SLC8A1: variants seen among roughly 807,000 people sequenced by gnomAD.
The protein encoded by SLC8A1 is solute carrier family 8 member A1.
In SLC8A1, 18 loss-of-function variants were observed where a neutral mutation model predicts 68.3. The observed-to-expected ratio is 0.26, with a 90% CI of 0.18 to 0.39. The LOEUF (loss-of-function observed/expected upper bound fraction) is 0.39, where lower values mean the gene tolerates loss of function less well. SLC8A1 is among the 10% of genes least tolerant of loss of function. The probability of loss-of-function intolerance (pLI) is 1.00; values close to 1 mark genes in which losing one functional copy is unlikely to be tolerated. For missense variants in SLC8A1, 985 were observed against 1,156.7 expected, an observed-to-expected ratio of 0.85 and a Z score of 2.15; for synonymous variants, 475 against 415.5, an observed-to-expected ratio of 1.14 and a Z score of -1.74.
chr2:40,278,539 G>A (rs756106722), intron 2 of SLC8A1, among the ~76,000 whole-genome samples: 3 of 152,092 alleles, frequency 2.0e-5, no homozygotes, highest in Non-Finnish European at 2.9e-5. Context: ...GATAAGGGGA[G>A]AGTAGAGTAA....
At chr2:40,308,804 G>A (rs988845574) in intron 2 of SLC8A1, among the ~76,000 whole-genome samples, 4 of 152,130 alleles carry the variant, frequency 2.6e-5, no homozygotes, top group East Asian at 1.9e-4. Context: ...GCTGCAAAGG[G>A]CAAAACTTTG....
At chr2:40,424,300 C>G (rs1166752397) in intron 2 of SLC8A1, among the ~76,000 whole-genome samples, 1 of 151,442 alleles carries the variant, frequency 6.6e-6, no homozygotes, top group East Asian at 1.9e-4. Context: ...GTATTTTGTT[C>G]TACTCTCAGA....
chr2:40,439,336 A>C (rs1700058351), intron 1 of SLC8A1, among the ~76,000 whole-genome samples: 1 of 152,170 alleles, frequency 6.6e-6, no homozygotes, highest in East Asian at 1.9e-4. Flanking sequence ...CCAAACCCTA[A>C]GTAGAGGTAG....
intron 2 of SLC8A1, among the ~76,000 whole-genome samples, chr2:40,230,614 T>A (rs553175808): frequency 6.6e-6 from 1 of 152,316 alleles, no homozygotes; most frequent in East Asian, 1.9e-4. Flanking sequence ...AATGCTACTA[T>A]GTGATCAGTT....
Position 40,185,291 on chromosome 2 carries a change from G to A in SLC8A1, c.1809-7436C>T, listed in dbSNP as rs537779646. On this transcript the variant is annotated intron_variant, in intron 2 of 7. Coordinates refer to ENST00000406785, the Ensembl canonical transcript of SLC8A1. ...TGTATTCACACAAAAACTTGTGCAT[G>A]AATTTTCATCGCAGCATTATTCATA... is the stretch of plus-strand genomic sequence containing the variant. Among the ~76,000 whole-genome samples, 11 of 152,312 alleles carry A rather than the reference G, an allele frequency of 7.2e-5. 1 individual carries two copies. In the South Asian group the frequency reaches 2.3e-3, roughly 32 times the overall value.
intron 2 of SLC8A1, among the ~76,000 whole-genome samples, chr2:40,223,067 A>T (rs981847298): frequency 2.0e-5 from 3 of 152,218 alleles, no homozygotes; most frequent in African/African-American, 7.2e-5. Context: ...ACACATGTAC[A>T]TGTATGTTTA....
chr2:40,429,221 G>T, exon 2 of SLC8A1: 4 of 1,613,864 alleles, frequency 2.5e-6, no homozygotes, highest in Non-Finnish European at 3.4e-6. Flanking sequence ...TGCTGACTTA[G>T]GACTTGGTAG....
chr2:40,348,617 TTGGC>T (rs1421948316), intron 2 of SLC8A1, among the ~76,000 whole-genome samples: 1 of 152,102 alleles, frequency 6.6e-6, no homozygotes, highest in Non-Finnish European at 1.5e-5. Flanking sequence ...TGAGCCAGGG[TTGGC>T]TGTGTTCTCA....
intron 2 of SLC8A1, among the ~76,000 whole-genome samples, chr2:40,398,551 C>A (rs1047711920): frequency 1.3e-5 from 2 of 152,138 alleles, no homozygotes; most frequent in Admixed American, 6.5e-5. Context: ...CCCACTAACA[C>A]AATTTTCAAA....
intron 1 of SLC8A1, among the ~76,000 whole-genome samples, chr2:40,437,994 T>C (rs57193459): frequency 2.0e-5 from 3 of 152,070 alleles, no homozygotes; most frequent in South Asian, 2.1e-4. Context: ...CATTTGAACA[T>C]TGACACTGAG....
At chr2:40,502,977 T>G (rs985441130) in intron 1 of SLC8A1, among the ~76,000 whole-genome samples, 6 of 152,016 alleles carry the variant, frequency 3.9e-5, no homozygotes. Flanking sequence ...GTGGTTATCC[T>G]TGAGGGGAAA....
At chr2:40,372,946 G>C (rs1678614158) in intron 2 of SLC8A1, among the ~76,000 whole-genome samples, 1 of 151,822 alleles carries the variant, frequency 6.6e-6, no homozygotes, top group Non-Finnish European at 1.5e-5. Context: ...AGGTATTATG[G>C]GAACACAAAG....
chr2:40,486,760 A>G (rs1704992915), intron 1 of SLC8A1, among the ~76,000 whole-genome samples: 1 of 151,068 alleles, frequency 6.6e-6, no homozygotes, highest in Non-Finnish European at 1.5e-5. Flanking sequence ...TCTAGGGTAC[A>G]TGTGCACAAT....
At chr2:40,348,287 G>C (rs1259111930) in intron 2 of SLC8A1, among the ~76,000 whole-genome samples, 1 of 152,116 alleles carries the variant, frequency 6.6e-6, no homozygotes, top group Non-Finnish European at 1.5e-5. Context: ...CTCAAAATGA[G>C]GGGTTGGCTT....
chr2:40,485,298 C>A (rs1367431301), intron 1 of SLC8A1, among the ~76,000 whole-genome samples: 1 of 152,116 alleles, frequency 6.6e-6, no homozygotes, highest in Non-Finnish European at 1.5e-5. Flanking sequence ...ATGTCTTAGG[C>A]GATTGTAGAA....
At chr2:40,299,084 A>T (rs910239846) in intron 2 of SLC8A1, among the ~76,000 whole-genome samples, 1 of 138,358 alleles carries the variant, frequency 7.2e-6, no homozygotes, top group African/African-American at 2.7e-5. Flanking sequence ...CAACACAGTT[A>T]CTTGGGGTAT....
intron 2 of SLC8A1, among the ~76,000 whole-genome samples, chr2:40,303,857 A>C (rs998394297): frequency 3.9e-5 from 6 of 152,206 alleles, no homozygotes; most frequent in Non-Finnish European, 5.9e-5. Context: ...CAGGAAAAGG[A>C]AGGCCAGTTG....
chr2:40,151,208 G>A (rs916724890), intron 6 of SLC8A1, among the ~76,000 whole-genome samples: 4 of 152,106 alleles, frequency 2.6e-5, no homozygotes, highest in Non-Finnish European at 5.9e-5. Context: ...GTGATATGAA[G>A]TTTGACATAG....
At position 40,396,748 on chromosome 2, in the gene SLC8A1, T is replaced by TAAAA. The variant is rs368483768; in HGVS notation, c.1808+31721_1808+31724dup. Among the ~76,000 whole-genome samples, 251 of 86,984 alleles carry TAAAA rather than the reference T, an allele frequency of 2.9e-3. 21 individuals carry two copies. The East Asian group carries it at 0.037, about 13-fold the overall frequency. 57.1% of individuals were successfully genotyped at this position (86,984 alleles called of 152,430 possible). ...TTTAACCTCCATCATCTCTAATAAC[T>TAAAA]AAAAAAAAAAAAAAAAAAAAAAAAA... On this transcript the variant is annotated intron_variant, in intron 2 of 7. Coordinates refer to ENST00000406785, the Ensembl canonical transcript of SLC8A1.
Sources: allele counts gnomAD v4.1 joint callset (sites outside exome capture counted in the v4.1 genomes callset), GRCh38; gene constraint gnomAD v4.1.1; transcripts MANE v1.5; gene names NCBI Gene and HGNC (gene_info 2026-07-23, HGNC 2026-07-21).